Variants in CLU observed in about 807,000 individuals in gnomAD.
CLU encodes the protein clusterin.
In CLU, 25 loss-of-function variants were observed where a neutral mutation model predicts 46.4. The ratio of observed to expected loss-of-function variants is 0.54; its 90% CI spans 0.39 to 0.75. CLU has a LOEUF of 0.75. Among genes scored for constraint, CLU ranks in the 30% least tolerant of loss-of-function variants. The probability of loss-of-function intolerance (pLI) is 0.00; values close to 1 mark genes in which losing one functional copy is unlikely to be tolerated. For synonymous variants in CLU, 235 were observed against 235.1 expected (o/e 1.00, Z 0.00); for missense variants, 504 against 592.1 (o/e 0.85, Z 1.54).
chr8:27,603,777 G>T (rs1330474248), intron 6 of CLU, among the ~76,000 whole-genome samples: 1 of 152,172 alleles, frequency 6.6e-6, no homozygotes, highest in Non-Finnish European at 1.5e-5. Flanking sequence ...GTCAATCTTG[G>T]ATAAGTTATT....
chr8:27,601,853 G>A (rs1800727621), intron 6 of CLU, among the ~76,000 whole-genome samples: 1 of 152,006 alleles, frequency 6.6e-6, no homozygotes, highest in African/African-American at 2.4e-5. Context: ...CACTTTGGGA[G>A]GCTGAGGCAG....
chr8:27,601,128 A>C (rs1046480709), intron 6 of CLU, among the ~76,000 whole-genome samples: 2 of 152,132 alleles, frequency 1.3e-5, no homozygotes, highest in East Asian at 3.8e-4. Context: ...AGCTCACTGC[A>C]ACCTCCACCT....
At chr8:27,598,367 C>T in intron 8 of CLU, 93 bp downstream of exon 8, 1 of 1,597,218 alleles carries the variant, frequency 6.3e-7, no homozygotes, top group Non-Finnish European at 8.6e-7. Context: ...GTCGTTCCCA[C>T]CAGGCTATAG....
rs7982 is a variant in CLU, at chr8:27,604,964, A to G, written c.789T>C (p.His263=). Reference sequence around the variant, plus strand: ...TTGGCGGGTGCTGGAAGGCCGGGCTATGGAAGTGGATGTCCATGGCCTGCT... The same window carrying G: ...TTGGCGGGTGCTGGAAGGCCGGGCTGTGGAAGTGGATGTCCATGGCCTGCT... The part of the protein sequence containing the change: ...EAQQAMDIHF[H]SPAFQHPPTE... Residue 263 remains histidine, a synonymous_variant, in exon 5 of 9, where the codon CAT becomes CAC. Coordinates refer to ENST00000316403, the MANE Select transcript of CLU (RefSeq NM_001831.4). 0.61 allele frequency: 985,550 copies of G among 1,613,754 alleles called. 302,531 individuals carry two copies. The highest frequency in any genetic ancestry group is 0.77 in the East Asian group (34,356 of 44,840).
intron 6 of CLU, among the ~76,000 whole-genome samples, chr8:27,602,082 C>A (rs185613694): frequency 1.3e-5 from 2 of 152,166 alleles, no homozygotes; most frequent in Admixed American, 1.3e-4. Context: ...TAGAGCGAGA[C>A]CCTGTCTTAA....
rs777449771 is a variant in CLU, at chr8:27,605,137, A to G, written c.616T>C (p.Tyr206His). 1.2e-6 allele frequency: 2 copies of G among 1,614,156 alleles called. No individual in the cohort carries two copies. The highest frequency in any genetic ancestry group is 1.6e-4 in the Middle Eastern group (1 of 6,062). ...CGGTGGGGCAGGCTGAAGGGCAGGT[A>G]GTGGTAGGTATCCTGGGGCTCCCGG... ...FTREPQDTYH[Y>H]LPFSLPHRRP... Residue 206 changes from tyrosine (Y) to histidine (H), a missense_variant, in exon 5 of 9, where the codon TAC (tyrosine) becomes CAC (histidine). This residue lies in a region of CLU where 428 missense variants were observed against 484.0 expected (regional missense o/e 0.88). Coordinates refer to ENST00000316403, the MANE Select transcript of CLU (RefSeq NM_001831.4).
intron 1 of CLU, 154 bp downstream of exon 1, chr8:27,614,501 C>T: frequency 2.8e-6 from 1 of 356,286 alleles, no homozygotes; most frequent in South Asian, 2.3e-5. Flanking sequence ...GGGGCTCCGG[C>T]CACCTCCCCT....
chr8:27,613,040 C>T, intron 1 of CLU, among the ~76,000 whole-genome samples: 1 of 151,982 alleles, frequency 6.6e-6, no homozygotes, highest in Admixed American at 6.6e-5. Context: ...GAACTTTGAA[C>T]TGAGCAGCTT....
rs6150518 is a variant in CLU at position 27,607,339 on chromosome 8, A to AAAAACAAAACAAAAC, written c.247-830_247-816dup. On this transcript the variant is annotated intron_variant, in intron 3 of 8. Coordinates refer to ENST00000316403, the MANE Select transcript of CLU (RefSeq NM_001831.4). Reference sequence around the variant, plus strand: ...GTGACAGAGCAAGACTCTGTCTCAAAAAAACAAAACAAAACAAAACAAAAC... The same window carrying AAAAACAAAACAAAAC: ...GTGACAGAGCAAGACTCTGTCTCAAAAAAACAAAACAAAACAAAACAAAACAAAACAAAACAAAAC... 8.3e-4 allele frequency among the ~76,000 whole-genome samples: 123 copies of AAAAACAAAACAAAAC among 148,814 alleles called. No homozygotes were observed. The East Asian group carries it at 9.7e-3, about 12-fold the overall frequency.
At chr8:27,611,256 G>GA (rs1301167025) in intron 1 of CLU, 1 of 454,376 alleles carries the variant, frequency 2.2e-6, no homozygotes, top group Non-Finnish European at 4.4e-6. Context: ...TTCAGGGGTG[G>GA]AAGTAGTGGA....
intron 6 of CLU, among the ~76,000 whole-genome samples, chr8:27,603,757 C>T (rs1002069969): frequency 2.0e-5 from 3 of 152,114 alleles, no homozygotes; most frequent in Non-Finnish European, 4.4e-5. Context: ...CCCAGCTCGC[C>T]CATGTCGGGG....
chr8:27,614,438 C>T, intron 1 of CLU: 1 of 317,194 alleles, frequency 3.2e-6, no homozygotes, highest in Non-Finnish European at 6.1e-6. Context: ...GGTTGGAGCT[C>T]GTGCTCTCAG....
intron 1 of CLU, 64 bp from the exon 2 acceptor site, chr8:27,610,664 C>T (rs982804101): frequency 2.3e-6 from 3 of 1,292,420 alleles, no homozygotes; most frequent in Non-Finnish European, 3.4e-6. Context: ...CGCCCACCTG[C>T]TGCCTGCAGC....
chr8:27,598,078 GA>G lies in CLU; in HGVS notation c.*162del. ...CCATGAGCAGCAGAGTCGAGTGTTA[GA>G]GTGCAGGATCCAGAGCGGGGAGAGG... On this transcript the variant is annotated 3_prime_UTR_variant, in exon 9 of 9. Coordinates refer to ENST00000316403, the MANE Select transcript of CLU (RefSeq NM_001831.4). 1 of 721,786 alleles carries G rather than the reference GA, an allele frequency of 1.4e-6. No individual in the cohort carries two copies. Among genetic ancestry groups the G allele is most frequent in the East Asian group, 2.7e-5 (1 of 37,194 alleles). The allele number at this position is 721,786 out of a possible 1,614,324, so 44.7% of individuals were successfully genotyped here.
At chr8:27,607,113 A>C (rs1247067723) in intron 3 of CLU, among the ~76,000 whole-genome samples, 1 of 152,122 alleles carries the variant, frequency 6.6e-6, no homozygotes, top group Non-Finnish European at 1.5e-5. Flanking sequence ...CGAGGCAGGC[A>C]TATTACTTGG....
chr8:27,612,860 G>A (rs912744884), intron 1 of CLU, among the ~76,000 whole-genome samples: 5 of 151,624 alleles, frequency 3.3e-5, no homozygotes, highest in African/African-American at 1.2e-4. Context: ...TCCCTAAGAA[G>A]GCTTAAACCA....
intron 2 of CLU, among the ~76,000 whole-genome samples, chr8:27,609,342 C>T (rs560045276): frequency 2.2e-4 from 34 of 152,194 alleles, no homozygotes; most frequent in African/African-American, 7.0e-4. Flanking sequence ...TTATGCCCAG[C>T]CACTGCCATG....
Position 27,609,090 on chromosome 8 carries a change from C to T in CLU, c.98-4G>A, listed in dbSNP as rs763145543. On this transcript the variant is annotated splice_region_variant and splice_polypyrimidine_tract_variant and intron_variant, in intron 2 of 8. Transcript: ENST00000316403. ...TTACTTCCCTGATTGGACATTTCTGCAAGAGAAGTGCAAGAGGCAGAATGA... is the reference window on the plus strand; with the variant it reads ...TTACTTCCCTGATTGGACATTTCTGTAAGAGAAGTGCAAGAGGCAGAATGA... 6.2e-7 allele frequency: 1 copy of T among 1,613,774 alleles called. No homozygotes were observed. The highest frequency in any genetic ancestry group is 1.1e-5 in the South Asian group (1 of 91,088).
chr8:27,604,122 G>A lies in CLU; in HGVS notation c.934+169C>T, dbSNP rs9331919. The A allele has an allele frequency of 1.1e-3, 734 of 645,034 alleles. 3 individuals carry two copies. The highest frequency in any genetic ancestry group is 0.011 in the African/African-American group (633 of 55,740). The allele number at this position is 645,034 out of a possible 1,614,324, so 40.0% of individuals were successfully genotyped here. ...TCATCTCATTCTAAGATGAGGAACCGAAGCTGCATGAGGCTCAGGACCTGC... is the reference window on the plus strand; with the variant it reads ...TCATCTCATTCTAAGATGAGGAACCAAAGCTGCATGAGGCTCAGGACCTGC... On this transcript the variant is annotated intron_variant, in intron 6 of 8. Transcript: ENST00000316403.
Sources: gnomAD v4.1 joint callset for allele counts (sites outside exome capture counted in the v4.1 genomes callset) on GRCh38, gnomAD v4.1.1 for gene constraint, gnomAD v4.1.1 regional missense constraint, MANE v1.5 for transcripts, NCBI Gene and HGNC (gene_info 2026-07-23, HGNC 2026-07-21) for gene names.